The following MICU1 variants were observed in gnomAD, a reference collection of about 807,000 sequenced individuals.
MICU1 encodes the protein mitochondrial calcium uptake 1, also known as calcium uptake protein 1, mitochondrial.
A neutral mutation model predicts 56.8 loss-of-function variants in MICU1; 45 were observed. The observed-to-expected ratio is 0.79, with a 90% CI of 0.62 to 1.02. The LOEUF is 1.02. Among genes scored for constraint, MICU1 ranks in the 50% least tolerant of loss-of-function variants. The pLI is 0.00. For synonymous variants in MICU1, 186 were observed against 195.1 expected, an observed-to-expected ratio of 0.95 and a Z score of 0.39; for missense variants, 504 against 587.1, an observed-to-expected ratio of 0.86 and a Z score of 1.46.
intron 8 of MICU1, among the ~76,000 whole-genome samples, chr10:72,427,201 T>C (rs565572803): frequency 3.9e-4 from 59 of 152,334 alleles, no homozygotes; most frequent in African/African-American, 1.3e-3. Flanking sequence ...CAAGCTGTTG[T>C]TTCCCTGTTG....
chr10:72,519,059 T>C (rs1051383263), intron 5 of MICU1, among the ~76,000 whole-genome samples: 1 of 152,240 alleles, frequency 6.6e-6, no homozygotes, highest in Non-Finnish European at 1.5e-5. Context: ...GCTTAGAAGT[T>C]ACATTTCAAA....
chr10:72,423,802 T>C (rs1280978767), intron 8 of MICU1, among the ~76,000 whole-genome samples: 2 of 152,198 alleles, frequency 1.3e-5, no homozygotes, highest in East Asian at 3.8e-4. Flanking sequence ...AAGATAATAA[T>C]ATTGATTACT....
intron 6 of MICU1, among the ~76,000 whole-genome samples, chr10:72,496,731 T>C (rs1866857995): frequency 6.6e-6 from 1 of 151,680 alleles, no homozygotes; most frequent in East Asian, 1.9e-4. Context: ...CCACCGTGCC[T>C]GGCCTAATTT....
intron 9 of MICU1, among the ~76,000 whole-genome samples, chr10:72,421,016 AAAT>A (rs1554865352): frequency 6.9e-4 from 86 of 124,088 alleles, no homozygotes; most frequent in East Asian, 2.9e-3. Flanking sequence ...AAAAAAAAAA[AAAT>A]AATAATAATA....
At chr10:72,502,198 A>G (rs1279363191) in intron 6 of MICU1, among the ~76,000 whole-genome samples, 1 of 137,724 alleles carries the variant, frequency 7.3e-6, no homozygotes, top group Non-Finnish European at 1.5e-5. Context: ...TCTGTCTTCC[A>G]GGCTGGAGTG....
intron 6 of MICU1, among the ~76,000 whole-genome samples, chr10:72,495,970 AT>A (rs757363312): frequency 1.9e-3 from 271 of 144,888 alleles, no homozygotes; most frequent in Non-Finnish European, 2.0e-3. Context: ...ATCATTTGGA[AT>A]TTTTTTTTTT....
chr10:72,495,483 T>G (rs2132314044), intron 6 of MICU1, among the ~76,000 whole-genome samples: 1 of 152,136 alleles, frequency 6.6e-6, no homozygotes, highest in African/African-American at 2.4e-5. Flanking sequence ...TGGTGAAACC[T>G]GCTCTCTACT....
intron 4 of MICU1, among the ~76,000 whole-genome samples, chr10:72,535,911 T>C (rs1341818371): frequency 1.3e-5 from 2 of 152,074 alleles, no homozygotes; most frequent in African/African-American, 2.4e-5. Context: ...TGAGGCAACA[T>C]GGATGCAACT....
At chr10:72,472,094 C>G (rs540924251) in intron 8 of MICU1, among the ~76,000 whole-genome samples, 1 of 152,206 alleles carries the variant, frequency 6.6e-6, no homozygotes, top group South Asian at 2.1e-4. Flanking sequence ...GCTCTGGAAG[C>G]ATAATACTTA....
chr10:72,523,980 A>G (rs1437233494), intron 5 of MICU1: 18 of 1,292,958 alleles, frequency 1.4e-5, no homozygotes, highest in Admixed American at 3.8e-5. Flanking sequence ...TTTACTGAGC[A>G]AAGTGCAACC....
chr10:72,419,675 T>C (rs1037169976), intron 9 of MICU1, among the ~76,000 whole-genome samples: 1 of 152,222 alleles, frequency 6.6e-6, no homozygotes, highest in Non-Finnish European at 1.5e-5. Context: ...TTTTCAATTA[T>C]TGAATCTTTA....
intron 11 of MICU1, among the ~76,000 whole-genome samples, chr10:72,375,222 G>A (rs1319737535): frequency 6.6e-6 from 1 of 152,162 alleles, no homozygotes; most frequent in African/African-American, 2.4e-5. Flanking sequence ...TTGAAAAAGT[G>A]TAAGCATCCG....
chr10:72,411,578 G>A (rs1467977187), intron 9 of MICU1, among the ~76,000 whole-genome samples: 1 of 151,978 alleles, frequency 6.6e-6, no homozygotes, highest in Non-Finnish European at 1.5e-5. Context: ...TGATCCACCC[G>A]CCTCGGCCTC....
chr10:72,391,163 G>A (rs1863056584), intron 10 of MICU1, among the ~76,000 whole-genome samples: 1 of 152,262 alleles, frequency 6.6e-6, no homozygotes, highest in Non-Finnish European at 1.5e-5. Context: ...GTCGGGTGCA[G>A]TGGCTCACGC....
At chr10:72,533,149 T>C in intron 5 of MICU1, 1 of 1,290,024 alleles carries the variant, frequency 7.8e-7, no homozygotes, top group South Asian at 1.2e-5. Flanking sequence ...TATTTTCTTT[T>C]TGGAGAATCT....
At chr10:72,557,770 A>T (rs1310958261) in intron 3 of MICU1, among the ~76,000 whole-genome samples, 2 of 152,208 alleles carry the variant, frequency 1.3e-5, no homozygotes, top group East Asian at 1.9e-4. Context: ...AGATGCATGC[A>T]TATAAATATA....
intron 6 of MICU1, among the ~76,000 whole-genome samples, chr10:72,496,323 A>C (rs1461542858): frequency 7.5e-6 from 1 of 133,094 alleles, no homozygotes; most frequent in Non-Finnish European, 1.6e-5. Context: ...TTTTTCCGAG[A>C]CAGAGTCTTG....
intron 8 of MICU1, among the ~76,000 whole-genome samples, chr10:72,456,972 T>G (rs956235180): frequency 6.6e-6 from 1 of 150,936 alleles, no homozygotes; most frequent in African/African-American, 2.4e-5. Context: ...TGTGTGTGTG[T>G]GTGTGTGTGT....
intron 1 of MICU1, among the ~76,000 whole-genome samples, chr10:72,617,948 T>C (rs1842020383): frequency 6.6e-6 from 1 of 152,154 alleles, no homozygotes; most frequent in Non-Finnish European, 1.5e-5. Context: ...GGCAGATTAC[T>C]TGAGGTCAGG....
Sources: gnomAD v4.1 joint callset for allele counts (sites outside exome capture counted in the v4.1 genomes callset) on GRCh38, gnomAD v4.1.1 for gene constraint, MANE v1.5 for transcripts, NCBI Gene and HGNC (gene_info 2026-07-23, HGNC 2026-07-21) for gene names.